The following ANGPT1 variants were observed in gnomAD, a reference collection of about 807,000 sequenced individuals.
ANGPT1 encodes the protein angiopoietin-1.
ANGPT1 carries 17 observed loss-of-function variants against 62.2 expected under a neutral mutation model. The ratio of observed to expected loss-of-function variants is 0.27; its 90% CI spans 0.19 to 0.41. The LOEUF is 0.41. ANGPT1 is among the 10% of genes least tolerant of loss of function. ANGPT1 has a pLI of 1.00. For synonymous variants in ANGPT1, 199 were observed against 198.9 expected, an observed-to-expected ratio of 1.00 and a Z score of 0.00; for missense variants, 478 against 594.9, an observed-to-expected ratio of 0.80 and a Z score of 2.04.
At chr8:107,316,223 A>C (rs998869634) in intron 4 of ANGPT1, among the ~76,000 whole-genome samples, 4 of 152,104 alleles carry the variant, frequency 2.6e-5, no homozygotes, top group African/African-American at 9.7e-5. Flanking sequence ...TATGGACCTT[A>C]CTATTTCTTT....
intron 1 of ANGPT1, among the ~76,000 whole-genome samples, chr8:107,492,389 G>C (rs1812982653): frequency 6.6e-6 from 1 of 152,138 alleles, no homozygotes; most frequent in Admixed American, 6.5e-5. Flanking sequence ...AGGCTGGAGT[G>C]CAGTGGTGCG....
In ANGPT1 at chr8:107,370,393, AAAG is replaced by A. The variant is rs1816377471; in HGVS notation, c.298-23299_298-23297del. ...GAAAGAAAGAAAGAAAGAAAGAAAGAAAGAAAGAAAGAAAGAGTCAGGGTCAGT... is the reference window on the plus strand; with the variant it reads ...GAAAGAAAGAAAGAAAGAAAGAAAGAAAAGAAAGAAAGAGTCAGGGTCAGT... On this transcript the variant is annotated intron_variant, in intron 1 of 8. Transcript: ENST00000517746. 1.5e-4 allele frequency among the ~76,000 whole-genome samples: 6 copies of A among 39,850 alleles called. 2 individuals carry two copies. In the South Asian group the frequency reaches 6.5e-3, roughly 43 times the overall value. 26.1% of individuals were successfully genotyped at this position (39,850 alleles called of 152,430 possible). A position where few individuals can be genotyped will look rare whatever the true frequency, so the allele number is the denominator to read the frequency against.
chr8:107,426,348 G>A (rs1390609928), intron 1 of ANGPT1, among the ~76,000 whole-genome samples: 1 of 152,204 alleles, frequency 6.6e-6, no homozygotes, highest in African/African-American at 2.4e-5. Flanking sequence ...GCACTCTCTG[G>A]ATGATTAATC....
chr8:107,354,585 T>A (rs1182815859), intron 1 of ANGPT1, among the ~76,000 whole-genome samples: 1 of 152,150 alleles, frequency 6.6e-6, no homozygotes, highest in East Asian at 1.9e-4. Context: ...AATGTATATA[T>A]CTATAAAATA....
chr8:107,460,378 G>A (rs572216329), intron 1 of ANGPT1, among the ~76,000 whole-genome samples: 30 of 152,100 alleles, frequency 2.0e-4, no homozygotes, highest in Admixed American at 9.8e-4. Flanking sequence ...AAAAAGAAAA[G>A]GCAACTGGCT....
chr8:107,400,800 T>G (rs146352891), intron 1 of ANGPT1, among the ~76,000 whole-genome samples: 4 of 152,196 alleles, frequency 2.6e-5, no homozygotes, highest in Non-Finnish European at 5.9e-5. Flanking sequence ...CCTCAGGTGA[T>G]CCGTCCACCT....
chr8:107,474,966 T>G (rs557728362), intron 1 of ANGPT1, among the ~76,000 whole-genome samples: 103 of 152,324 alleles, frequency 6.8e-4, no homozygotes, highest in African/African-American at 2.3e-3. Flanking sequence ...CATTCCATGC[T>G]CATGGATAGG....
At chr8:107,330,208 C>A (rs1815388035) in intron 3 of ANGPT1, among the ~76,000 whole-genome samples, 1 of 152,188 alleles carries the variant, frequency 6.6e-6, no homozygotes, top group Non-Finnish European at 1.5e-5. Flanking sequence ...GTGATTTACA[C>A]ACATTAACTC....
Position 107,473,171 on chromosome 8 carries a change from T to C in ANGPT1, c.297+24091A>G, listed in dbSNP as rs796365252. On this transcript the variant is annotated intron_variant, in intron 1 of 8. Coordinates refer to ENST00000517746, the MANE Select transcript of ANGPT1 (RefSeq NM_001146.5). ...TTTGCTTAAATATCCACATGGTTGATGTAACAAAACCATTATTCTTTCTCA... is the reference window on the plus strand; with the variant it reads ...TTTGCTTAAATATCCACATGGTTGACGTAACAAAACCATTATTCTTTCTCA... Among the ~76,000 whole-genome samples the C allele has an allele frequency of 8.5e-5, 13 of 152,236 alleles. 1 individual carries two copies. Among genetic ancestry groups the C allele is most frequent in the African/African-American group, 2.6e-4 (11 of 41,570 alleles).
intron 3 of ANGPT1, among the ~76,000 whole-genome samples, chr8:107,331,245 A>G (rs1057328712): frequency 6.6e-6 from 1 of 152,170 alleles, no homozygotes; most frequent in African/African-American, 2.4e-5. Flanking sequence ...CACATGTTTC[A>G]ATCACTTAAA....
At chr8:107,453,725 A>G (rs1284701693) in intron 1 of ANGPT1, among the ~76,000 whole-genome samples, 1 of 152,082 alleles carries the variant, frequency 6.6e-6, no homozygotes, top group Non-Finnish European at 1.5e-5. Flanking sequence ...TTGGCTATTT[A>G]TCATAAAAAA....
chr8:107,352,940 A>G (rs1342485794), intron 1 of ANGPT1, among the ~76,000 whole-genome samples: 2 of 152,166 alleles, frequency 1.3e-5, no homozygotes, highest in Non-Finnish European at 1.5e-5. Context: ...TTTAAAATGC[A>G]ACTATATCTA....
intron 4 of ANGPT1, among the ~76,000 whole-genome samples, chr8:107,308,528 C>T (rs1428418656): frequency 6.6e-6 from 1 of 152,050 alleles, no homozygotes; most frequent in Non-Finnish European, 1.5e-5. Context: ...ATGTATCAAG[C>T]ACATTGGGAA....
chr8:107,458,828 T>C (rs1811990210), intron 1 of ANGPT1, among the ~76,000 whole-genome samples: 1 of 152,150 alleles, frequency 6.6e-6, no homozygotes, highest in African/African-American at 2.4e-5. Context: ...TCTCATTTAA[T>C]CATTTCAATA....
intron 1 of ANGPT1, among the ~76,000 whole-genome samples, chr8:107,439,428 T>G (rs1260756240): frequency 6.6e-6 from 1 of 152,234 alleles, no homozygotes; most frequent in African/African-American, 2.4e-5. Flanking sequence ...TTTACTTTCC[T>G]TTACTTTAGG....
At chr8:107,420,239 T>C (rs979019918) in intron 1 of ANGPT1, among the ~76,000 whole-genome samples, 10 of 152,198 alleles carry the variant, frequency 6.6e-5, no homozygotes. Flanking sequence ...CTTCCAGTGC[T>C]ACTGCCAGTA....
chr8:107,478,063 GT>G (rs146651787), intron 1 of ANGPT1, among the ~76,000 whole-genome samples: 21,592 of 143,796 alleles, frequency 0.15, 1,648 homozygotes, highest in South Asian at 0.2. Context: ...TATTTCTCCT[GT>G]TTTTTTTTTT....
intron 1 of ANGPT1, among the ~76,000 whole-genome samples, chr8:107,428,527 T>C (rs897117045): frequency 2.6e-5 from 4 of 152,184 alleles, no homozygotes; most frequent in Non-Finnish European, 4.4e-5. Context: ...TGTCTTCAGC[T>C]CCTTCATTTG....
At chr8:107,326,338 AC>A (rs1251647941) in intron 3 of ANGPT1, among the ~76,000 whole-genome samples, 2 of 152,102 alleles carry the variant, frequency 1.3e-5, no homozygotes, top group Non-Finnish European at 2.9e-5. Flanking sequence ...TTTTCTCATC[AC>A]ATTTCTTCAC....
Sources: allele counts gnomAD v4.1 joint callset (sites outside exome capture counted in the v4.1 genomes callset), GRCh38; gene constraint gnomAD v4.1.1; transcripts MANE v1.5; gene names NCBI Gene and HGNC (gene_info 2026-07-23, HGNC 2026-07-21).